Variants in NINL observed in about 807,000 individuals in gnomAD.
The protein encoded by NINL is ninein-like protein.
Under a neutral mutation model 160.3 loss-of-function variants are expected in NINL, and 153 were observed. That is an observed-to-expected ratio of 0.95 (90% confidence interval 0.84 to 1.09). NINL has a LOEUF of 1.09. NINL is among the 50% of genes least tolerant of loss of function. The probability of loss-of-function intolerance (pLI) is 0.00; values close to 1 mark genes in which losing one functional copy is unlikely to be tolerated. For synonymous variants in NINL, 800 were observed against 734.8 expected, an observed-to-expected ratio of 1.09 and a Z score of -1.43; for missense variants, 1,829 against 1,764.0, an observed-to-expected ratio of 1.04 and a Z score of -0.66.
At chr20:25,457,908 G>A (rs2090730261) in intron 22 of NINL, among the ~76,000 whole-genome samples, 1 of 152,204 alleles carries the variant, frequency 6.6e-6, no homozygotes, top group Admixed American at 6.5e-5. Context: ...GAGGCACAGA[G>A]AGGTTCACTT....
chr20:25,554,462 T>C (rs2064840695), intron 1 of NINL, among the ~76,000 whole-genome samples: 1 of 151,972 alleles, frequency 6.6e-6, no homozygotes, highest in Non-Finnish European at 1.5e-5. Flanking sequence ...ATCTGCATAC[T>C]GGAGTTTAAG....
intron 13 of NINL, chr20:25,488,883 C>T (rs187245489): frequency 3.0e-4 from 66 of 218,208 alleles, no homozygotes; most frequent in East Asian, 1.3e-3. Flanking sequence ...GAACATTAAG[C>T]GTGTACGGGG....
chr20:25,453,571 T>C lies in NINL; in HGVS notation c.4029A>G (p.Ala1343=). ...GCTGCTTCTCCTCGGTGGCCTGAAGTGCTCTCACCAGGTGGGCGTTCTCCA... is the reference window on the plus strand; with the variant it reads ...GCTGCTTCTCCTCGGTGGCCTGAAGCGCTCTCACCAGGTGGGCGTTCTCCA... ...LYVENAHLVR[A]LQATEEKQRG... is the part of the protein sequence containing the mutation. Residue 1343 remains alanine, a synonymous_variant, in exon 24 of 24, where the codon GCA becomes GCG. Coordinates refer to ENST00000278886, the MANE Select transcript of NINL (RefSeq NM_025176.6). The C allele has an allele frequency of 6.2e-7, 1 of 1,614,128 alleles. No individual in the cohort carries two copies. The highest frequency in any genetic ancestry group is 1.3e-5 in the African/African-American group (1 of 75,034).
chr20:25,462,329 C>A, intron 20 of NINL, 54 bp downstream of exon 20: 1 of 1,574,470 alleles, frequency 6.4e-7, no homozygotes. Flanking sequence ...CAGCCGCCTC[C>A]CCACCCTGAG....
intron 13 of NINL, among the ~76,000 whole-genome samples, chr20:25,487,446 G>A (rs2063525715): frequency 6.6e-6 from 1 of 152,148 alleles, no homozygotes. Context: ...CCTATACAGG[G>A]TTCTGTTAGA....
At chr20:25,529,237 C>T (rs2064409196) in intron 1 of NINL, among the ~76,000 whole-genome samples, 3 of 151,952 alleles carry the variant, frequency 2.0e-5, no homozygotes, top group African/African-American at 7.3e-5. Context: ...CACACCATTG[C>T]ACTCTAGCCT....
In NINL at chr20:25,532,588, T is replaced by G. The variant is rs550625189; in HGVS notation, c.-11-5990A>C. Among the ~76,000 whole-genome samples the G allele has an allele frequency of 1.2e-3, 182 of 152,348 alleles. 3 individuals carry two copies. The highest frequency in any genetic ancestry group is 1.7e-3 in the South Asian group (8 of 4,830). On this transcript the variant is annotated intron_variant, in intron 1 of 23. Coordinates refer to ENST00000278886, the MANE Select transcript of NINL (RefSeq NM_025176.6). ...TTCTCAAAGCCCATGGCTGAGTTAC[T>G]GAGCATTCAGAGCCGCTCCTCTCCT...
rs778538952 is a variant in NINL at position 25,453,415 on chromosome 20, T to A, written c.*36A>T. The stretch of plus-strand genomic sequence containing the variant: ...CAGCACAGTGGCTTAATTTAAAAGA[T>A]GTGCTTTCGAATGAATCCTAGAAAA... On this transcript the variant is annotated 3_prime_UTR_variant, in exon 24 of 24. Transcript: ENST00000278886. 2.5e-5 allele frequency: 39 copies of A among 1,546,938 alleles called. No homozygotes were observed. Among genetic ancestry groups the A allele is most frequent in the Non-Finnish European group, 2.6e-6 (3 of 1,139,342 alleles).
At chr20:25,511,189 G>A (rs1239406816) in intron 4 of NINL, among the ~76,000 whole-genome samples, 4 of 152,118 alleles carry the variant, frequency 2.6e-5, no homozygotes, top group Admixed American at 6.5e-5. Flanking sequence ...CTTGCAACAC[G>A]CCTCTCTGCA....
At position 25,453,452 on chromosome 20, in the gene NINL, TAC is replaced by T; in HGVS notation, c.4146_4147del (p.Ter1383LysfsTer15). On this transcript the variant is annotated frameshift_variant and stop_lost, in exon 24 of 24. Transcript: ENST00000278886. LOFTEE classifies it high-confidence loss of function. ...TGAATCCTAGAAAATAATCTGTCTT[TAC>T]ACAGAGAGGGCTGCGGGGGCAATCC... is the stretch of plus-strand genomic sequence containing the variant. 6.2e-7 allele frequency: 1 copy of T among 1,605,088 alleles called. No individual in the cohort carries two copies.
At chr20:25,560,768 G>T (rs560090231) in intron 1 of NINL, among the ~76,000 whole-genome samples, 1 of 151,928 alleles carries the variant, frequency 6.6e-6, no homozygotes, top group Non-Finnish European at 1.5e-5. Context: ...GCCCTACAAC[G>T]AAAGACAAGG....
At chr20:25,540,050 C>T (rs2064635859) in intron 1 of NINL, 1 of 1,287,524 alleles carries the variant, frequency 7.8e-7, no homozygotes, top group Admixed American at 2.3e-5. Context: ...TCTTCAGTTT[C>T]TTCTTCATGC....
At chr20:25,510,014 TG>T (rs2064038447) in intron 5 of NINL, among the ~76,000 whole-genome samples, 1 of 152,214 alleles carries the variant, frequency 6.6e-6, no homozygotes, top group Non-Finnish European at 1.5e-5. Flanking sequence ...GTCTCAATCA[TG>T]CTCCTGCATG....
intron 1 of NINL, among the ~76,000 whole-genome samples, chr20:25,566,404 ATAAAT>A (rs1205378903): frequency 3.3e-5 from 5 of 152,108 alleles, no homozygotes; most frequent in African/African-American, 1.2e-4. Context: ...CGATTATAAG[ATAAAT>A]TAAAGTCAAG....
chr20:25,500,841 T>C lies in NINL; in HGVS notation c.1031A>G (p.Gln344Arg), dbSNP rs1463755212. The change falls in exon 8 of 24, where the codon CAG (glutamine) becomes CGG (arginine). Residue 344 changes from glutamine to arginine, a missense_variant and splice_region_variant. Coordinates refer to ENST00000278886, the MANE Select transcript of NINL (RefSeq NM_025176.6). ...CTTAGGCATCACCCAGTTCCAAACC[T>C]GCAAGATCTCCCTGCCATTCTGAAT... Reference protein sequence around the residue: ...EGIQNGREILQSLDFSVDEKV... With the variant: ...EGIQNGREILRSLDFSVDEKV... 7 of 1,613,242 alleles carry C rather than the reference T, an allele frequency of 4.3e-6. No individual in the cohort carries two copies. The highest frequency in any genetic ancestry group is 5.1e-6 in the Non-Finnish European group (6 of 1,179,570).
At chr20:25,461,191 G>A (rs903721537) in intron 21 of NINL, among the ~76,000 whole-genome samples, 11 of 152,222 alleles carry the variant, frequency 7.2e-5, no homozygotes, top group African/African-American at 2.4e-4. Flanking sequence ...CACTCCCAGG[G>A]CTGGAGCCTG....
In NINL at chr20:25,476,585, G is replaced by T. The variant is rs749881542; in HGVS notation, c.2706C>A (p.Pro902=). The change falls in exon 17 of 24, where the codon CCC becomes CCA. Residue 902 remains proline, a synonymous_variant. Transcript: ENST00000278886. ...APAPAPASHG[P]SERWSRMQPC... ...GCTGCATGCGTGACCACCTCTCTGA[G>T]GGGCCGTGGGATGCCGGGGCAGGGG... 2 of 1,599,102 alleles carry T rather than the reference G, an allele frequency of 1.3e-6. No homozygotes were observed. Among genetic ancestry groups the T allele is most frequent in the Non-Finnish European group, 1.7e-6 (2 of 1,179,612 alleles).
chr20:25,467,402 A>G lies in NINL; in HGVS notation c.3410T>C (p.Val1137Ala), dbSNP rs1343301292. The change falls in exon 19 of 24, where the codon GTG becomes GCG. Residue 1137 changes from valine to alanine, a missense_variant. Physicochemically the swap from Val to Ala is moderately conservative, Grantham distance 64. Transcript: ENST00000278886. The part of the protein sequence containing the change: ...DKEKACSEME[V>A]LNRQNQNYKD... The stretch of plus-strand genomic sequence containing the variant: ...TCGATACGTCACCTGTCTGTTGAGC[A>G]CCTCCATCTCAGAGCAGGCCTTTTC... The G allele has an allele frequency of 1.2e-6, 2 of 1,613,710 alleles. No homozygotes were observed. Among genetic ancestry groups the G allele is most frequent in the Non-Finnish European group, 1.7e-6 (2 of 1,179,572 alleles).
At chr20:25,456,862 G>A (rs147629895) in intron 22 of NINL, among the ~76,000 whole-genome samples, 1,722 of 152,068 alleles carry the variant, frequency 0.011, 32 homozygotes, top group African/African-American at 0.037. Context: ...AACCCAGGAG[G>A]TGGAGGCTGC....
Sources: gnomAD v4.1 joint callset for allele counts (sites outside exome capture counted in the v4.1 genomes callset) on GRCh38, gnomAD v4.1.1 for gene constraint, MANE v1.5 for transcripts, NCBI Gene and HGNC (gene_info 2026-07-23, HGNC 2026-07-21) for gene names.